Variants in IL11RA observed in about 807,000 individuals in gnomAD.
IL11RA encodes the protein interleukin 11 receptor subunit alpha, also known as interleukin-11 receptor subunit alpha.
A neutral mutation model predicts 57.0 loss-of-function variants in IL11RA; 51 were observed. That is an observed-to-expected ratio of 0.89 (90% CI 0.71 to 1.13). The LOEUF is 1.13. IL11RA is among the 50% of genes most tolerant of loss of function. IL11RA has a pLI of 0.00. For missense variants in IL11RA, 498 were observed against 539.4 expected (o/e 0.92, Z 0.76); for synonymous variants, 199 against 217.5 (o/e 0.91, Z 0.75).
rs949038117 is a variant in IL11RA, at chr9:34,661,859, T to G, written c.*361T>G. The G allele has an allele frequency of 4.0e-6, 6 of 1,510,112 alleles. No individual in the cohort carries two copies. In the African/African-American group the frequency reaches 8.3e-5, roughly 21 times the overall value. 93.5% of individuals were successfully genotyped at this position (1,510,112 alleles called of 1,614,324 possible). On this transcript the variant is annotated 3_prime_UTR_variant, in exon 13 of 13. Transcript: ENST00000441545. ...TCCCCTTGCAGGGGTTGTGCAGGTG[T>G]GAATAAAGAGAATAAGGAAGTTCTT...
chr9:34,657,288 C>A lies in IL11RA; in HGVS notation c.447-15C>A. On this transcript the variant is annotated splice_polypyrimidine_tract_variant and intron_variant, in intron 5 of 12. Coordinates refer to ENST00000441545, the MANE Select transcript of IL11RA (RefSeq NM_001142784.3). The stretch of plus-strand genomic sequence containing the variant: ...TCTTTTCCTTCCTGACTTCAGATGG[C>A]CCCCTCCCCACCAGGAAGAAGACAG... 1.2e-6 allele frequency: 2 copies of A among 1,614,126 alleles called. No individual in the cohort carries two copies. The highest frequency in any genetic ancestry group is 1.6e-4 in the Middle Eastern group (1 of 6,062).
chr9:34,656,602 C>G, intron 3 of IL11RA, 137 bp from the exon 4 acceptor site: 1 of 906,302 alleles, frequency 1.1e-6, no homozygotes, highest in Non-Finnish European at 1.8e-6. Context: ...GGCTGGCTCA[C>G]AAGGGGCTTT....
intron 4 of IL11RA, 23 bp from the exon 5 acceptor site, chr9:34,657,012 C>T (rs999293166): frequency 5.6e-6 from 9 of 1,609,658 alleles, no homozygotes; most frequent in Non-Finnish European, 7.7e-6. Context: ...TGCTCAGTCT[C>T]CAGGTGTACC....
At chr9:34,656,505 G>A (rs72737140) in intron 3 of IL11RA, among the ~76,000 whole-genome samples, 2 of 152,322 alleles carry the variant, frequency 1.3e-5, no homozygotes, top group African/African-American at 2.4e-5. Flanking sequence ...CAATACCCCC[G>A]AGGAATAGAA....
Position 34,657,327 on chromosome 9 carries a change from T to C in IL11RA, c.471T>C (p.Asp157=), listed in dbSNP as rs143961331. ...GGAAGAAGACAGTCCTAGGAGCTGA[T>C]AGCCAGAGGTAGGACGTGAGGGAGC... ...SYRKKTVLGA[D]SQRRSPSTGP... is the part of the protein sequence containing the mutation. Residue 157 remains aspartate (D), a synonymous_variant, in exon 6 of 13, where the codon GAT becomes GAC. Transcript: ENST00000441545. 2 of 1,614,136 alleles carry C rather than the reference T, an allele frequency of 1.2e-6. No individual in the cohort carries two copies. Among genetic ancestry groups the C allele is most frequent in the Middle Eastern group, 1.6e-4 (1 of 6,062 alleles).
In IL11RA at chr9:34,658,470, A is replaced by C. The variant is rs756663553; in HGVS notation, c.647-50A>C. 6.3e-7 allele frequency: 1 copy of C among 1,584,400 alleles called. No individual in the cohort carries two copies. Among genetic ancestry groups the C allele is most frequent in the East Asian group, 2.2e-5 (1 of 44,754 alleles). ...CACACACTTTGGGAAGTGGTGGGGA[A>C]GTGATGGAGACCCATAGCCTACCCT... On this transcript the variant is annotated intron_variant, in intron 7 of 12. Transcript: ENST00000441545. This position sits in a 1 kb window ranked among gnomAD's most constrained non-coding sequence, Gnocchi z 4.0.
Position 34,656,770 on chromosome 9 carries a change from C to T in IL11RA, c.193C>T (p.Pro65Ser). 1.2e-6 allele frequency: 2 copies of T among 1,614,166 alleles called. No individual in the cohort carries two copies. Among genetic ancestry groups the T allele is most frequent in the African/African-American group, 2.7e-5 (2 of 75,036 alleles). ...DPVSWFRDGE[P>S]KLLQGPDSGL... ...AGTGTCCTGGTTTCGGGATGGGGAGCCAAAGCTGCTCCAGGGACCTGACTC... is the reference window on the plus strand; with the variant it reads ...AGTGTCCTGGTTTCGGGATGGGGAGTCAAAGCTGCTCCAGGGACCTGACTC... Residue 65 changes from proline (P) to serine (S), a missense_variant, in exon 4 of 13, where the codon CCA becomes TCA. Physicochemically the swap from Pro to Ser is moderately conservative, Grantham distance 74. Coordinates refer to ENST00000441545, the MANE Select transcript of IL11RA (RefSeq NM_001142784.3).
chr9:34,652,544 C>T (rs916580862), intron 1 of IL11RA, among the ~76,000 whole-genome samples: 15 of 151,886 alleles, frequency 9.9e-5, no homozygotes, highest in African/African-American at 3.6e-4. Context: ...GGACTGTGAC[C>T]ACATGAGGGA....
At chr9:34,657,679 C>A in intron 7 of IL11RA, 92 bp downstream of exon 7, 1 of 1,265,392 alleles carries the variant, frequency 7.9e-7, no homozygotes, top group Non-Finnish European at 1.1e-6. Context: ...CCAGTTTCCT[C>A]CCAACCTAGA....
intron 8 of IL11RA, among the ~76,000 whole-genome samples, chr9:34,659,092 T>G (rs1031766983): frequency 5.9e-5 from 9 of 152,124 alleles, no homozygotes; most frequent in Admixed American, 5.9e-4. Context: ...GCCTGGCTAA[T>G]TTTTGTATTT....
At chr9:34,655,043 G>A (rs1236107015) in intron 1 of IL11RA, 175 bp from the exon 2 acceptor site, 1 of 653,056 alleles carries the variant, frequency 1.5e-6, no homozygotes, top group East Asian at 2.8e-5. Flanking sequence ...GCAAAGCACT[G>A]GGTATACAGT....
intron 3 of IL11RA, 133 bp downstream of exon 3, chr9:34,655,798 T>C: frequency 1.3e-6 from 1 of 775,428 alleles, no homozygotes. Context: ...CCTAACCGTC[T>C]AACTATCCTT....
In IL11RA at chr9:34,657,143, C is replaced by T; in HGVS notation, c.440C>T (p.Ser147Phe). 1 of 1,612,728 alleles carries T rather than the reference C, an allele frequency of 6.2e-7. No individual in the cohort carries two copies. Among genetic ancestry groups the T allele is most frequent in the Middle Eastern group, 1.7e-4 (1 of 6,056 alleles). ...GGTTTACCCACCCGCTACCTCACCT[C>T]CTACAGGTGTGTGTGTGATTGGGTG... is the stretch of plus-strand genomic sequence containing the variant. ...ISGLPTRYLT[S>F]YRKKTVLGAD... Residue 147 changes from serine (S) to phenylalanine (F), a missense_variant, in exon 5 of 13, where the codon TCC (serine) becomes TTC (phenylalanine). Physicochemically the swap from Ser to Phe is radical, Grantham distance 155. Transcript: ENST00000441545.
chr9:34,661,832 T>C lies in IL11RA; in HGVS notation c.*334T>C. The stretch of plus-strand genomic sequence containing the variant: ...GTGTGTGGGTCCTTGGCTCTTGGCC[T>C]TTCCCCTTGCAGGGGTTGTGCAGGT... On this transcript the variant is annotated 3_prime_UTR_variant, in exon 13 of 13. Coordinates refer to ENST00000441545, the MANE Select transcript of IL11RA (RefSeq NM_001142784.3). 7.6e-7 allele frequency: 1 copy of C among 1,316,252 alleles called. No homozygotes were observed. The highest frequency in any genetic ancestry group is 2.3e-5 in the East Asian group (1 of 43,472). The allele number at this position is 1,316,252 out of a possible 1,614,324, so 81.5% of individuals were successfully genotyped here.
At position 34,657,078 on chromosome 9, in the gene IL11RA, T is replaced by C. The variant is rs754095914; in HGVS notation, c.375T>C (p.Tyr125=). 40 of 1,612,900 alleles carry C rather than the reference T, an allele frequency of 2.5e-5. No individual in the cohort carries two copies. Among genetic ancestry groups the C allele is most frequent in the Non-Finnish European group, 3.4e-5 (40 of 1,179,006 alleles). ...RPVVSCQAAD[Y]ENFSCTWSPS... ...TTGTCTCCTGCCAAGCAGCCGACTA[T>C]GAGAACTTCTCTTGCACTTGGAGTC... The change falls in exon 5 of 13, where the codon TAT becomes TAC. Residue 125 remains tyrosine, a synonymous_variant. Transcript: ENST00000441545.
chr9:34,656,941 A>G (rs1260358496), intron 4 of IL11RA, 33 bp downstream of exon 4: 1 of 1,613,144 alleles, frequency 6.2e-7, no homozygotes, highest in African/African-American at 1.3e-5. Flanking sequence ...GATGACACAT[A>G]GGGATCCTGA....
chr9:34,658,697 T>C lies in IL11RA; in HGVS notation c.810+14T>C, dbSNP rs1283043638. 1 of 1,610,252 alleles carries C rather than the reference T, an allele frequency of 6.2e-7. No homozygotes were observed. The highest frequency in any genetic ancestry group is 8.5e-7 in the Non-Finnish European group (1 of 1,179,954). On this transcript the variant is annotated intron_variant, in intron 8 of 12. Coordinates refer to ENST00000441545, the MANE Select transcript of IL11RA (RefSeq NM_001142784.3). The surrounding 1 kb of genome is among the most constrained non-coding windows in gnomAD (Gnocchi z 4.0). ...GCCTGGTCCACGGTGAGGCCTGGAG[T>C]GCGTCCCAACCCACGGCTGTGGGTC...
Position 34,653,763 on chromosome 9 carries a change from G to C in IL11RA, c.1-1455G>C, listed in dbSNP as rs948156033. Reference sequence around the variant, plus strand: ...TCTGTGGCTTCCTTTCCAGACTTGGGGGAGGCCTCTTCCCTTCCCAGGGCC... The same window carrying C: ...TCTGTGGCTTCCTTTCCAGACTTGGCGGAGGCCTCTTCCCTTCCCAGGGCC... On this transcript the variant is annotated intron_variant, in intron 1 of 12. Coordinates refer to ENST00000441545, the MANE Select transcript of IL11RA (RefSeq NM_001142784.3). This position sits in a 1 kb window ranked among gnomAD's most constrained non-coding sequence, Gnocchi z 4.5. 2 of 152,334 alleles carry C rather than the reference G, an allele frequency of 1.3e-5. No homozygotes were observed. Among genetic ancestry groups the C allele is most frequent in the African/African-American group, 4.8e-5 (2 of 41,374 alleles). 9.4% of individuals were successfully genotyped at this position (152,334 alleles called of 1,614,324 possible).
Position 34,655,313 on chromosome 9 carries a change from C to T in IL11RA, c.96C>T (p.Pro32=). The T allele has an allele frequency of 6.3e-7, 1 of 1,579,792 alleles. No individual in the cohort carries two copies. Among genetic ancestry groups the T allele is most frequent in the South Asian group, 1.1e-5 (1 of 89,502 alleles). ...CCCCCTGCCCCCAGGCCTGGGGCCC[C>T]CCAGGTGAGAAGAACCCTGCTCTAC... The part of the protein sequence containing the change: ...ASSPCPQAWG[P]PGVQYGQPGR... The change falls in exon 2 of 13, where the codon CCC becomes CCT. Residue 32 remains proline (P), a synonymous_variant. Transcript: ENST00000441545.
Sources: allele counts gnomAD v4.1 joint callset (sites outside exome capture counted in the v4.1 genomes callset), GRCh38; gene constraint gnomAD v4.1.1; non-coding constraint Gnocchi (gnomAD v3.1); transcripts MANE v1.5; gene names NCBI Gene and HGNC (gene_info 2026-07-23, HGNC 2026-07-21).